The following COL1A1 variants were observed in gnomAD, a reference collection of about 807,000 sequenced individuals.
The protein encoded by COL1A1 is collagen alpha-1(I) chain.
In COL1A1, 21 loss-of-function variants were observed where a neutral mutation model predicts 195.7. That is an observed-to-expected ratio of 0.11 (90% CI 0.08 to 0.15). The LOEUF is 0.15. Among genes scored for constraint, COL1A1 ranks in the 10% least tolerant of loss-of-function variants. The probability of loss-of-function intolerance (pLI) is 1.00; values close to 1 mark genes in which losing one functional copy is unlikely to be tolerated. For synonymous variants in COL1A1, 749 were observed against 747.3 expected, an observed-to-expected ratio of 1.00 and a Z score of -0.04; for missense variants, 1,365 against 2,051.0, an observed-to-expected ratio of 0.67 and a Z score of 6.46.
intron 1 of COL1A1, among the ~76,000 whole-genome samples, chr17:50,200,834 T>A (rs1426601028): frequency 6.6e-6 from 1 of 152,180 alleles, no homozygotes; most frequent in Non-Finnish European, 1.5e-5. Context: ...CTCCGGCTCC[T>A]GCCCCAGTAA....
At position 50,189,702 on chromosome 17, in the gene COL1A1, G is replaced by T. The variant is rs72653147; in HGVS notation, c.2644C>A (p.Arg882=). The T allele has an allele frequency of 2.5e-6, 4 of 1,613,954 alleles. No individual in the cohort carries two copies. Among genetic ancestry groups the T allele is most frequent in the Non-Finnish European group, 3.4e-6 (4 of 1,180,008 alleles). The change falls in exon 38 of 51, where the codon CGA becomes AGA. Residue 882 remains arginine (R), a synonymous_variant. Transcript: ENST00000225964. This position sits in a 1 kb window ranked among gnomAD's most constrained non-coding sequence, Gnocchi z 5.5. ...GATGFPGAAG[R]VGPPGPSGNA... is the part of the protein sequence containing the mutation. The stretch of plus-strand genomic sequence containing the variant: ...ACAGAGGGGCCAGGAGGACCGACTC[G>T]GCCAGCAGCACCAGGGAAACCAGTA...
Position 50,195,874 on chromosome 17 carries a change from A to C in COL1A1, c.1056+49T>G, listed in dbSNP as rs765408219. 5 of 1,548,312 alleles carry C rather than the reference A, an allele frequency of 3.2e-6. No homozygotes were observed. The South Asian group carries it at 4.7e-5, about 15-fold the overall frequency. On this transcript the variant is annotated intron_variant, in intron 16 of 50. Coordinates refer to ENST00000225964, the MANE Select transcript of COL1A1 (RefSeq NM_000088.4). This position sits in a 1 kb window ranked among gnomAD's most constrained non-coding sequence, Gnocchi z 4.3. Reference sequence around the variant, plus strand: ...TGGTTTGGGGAACAGGGAGACATGAACCCCTTGGCCCATGAGGGTCATGCT... The same window carrying C: ...TGGTTTGGGGAACAGGGAGACATGACCCCCTTGGCCCATGAGGGTCATGCT...
intron 3 of COL1A1, 33 bp downstream of exon 3, chr17:50,199,523 G>C (rs1221319643): frequency 3.7e-6 from 6 of 1,614,096 alleles, no homozygotes; most frequent in Non-Finnish European, 5.1e-6. Flanking sequence ...GTCACGGGCC[G>C]CGCAGGGGCA....
At position 50,195,473 on chromosome 17, in the gene COL1A1, G is replaced by T. The variant is rs899337697; in HGVS notation, c.1161C>A (p.Asn387Lys). The T allele has an allele frequency of 2.0e-5, 32 of 1,614,032 alleles. No individual in the cohort carries two copies. Among genetic ancestry groups the T allele is most frequent in the Non-Finnish European group, 2.6e-5 (31 of 1,180,022 alleles). Residue 387 changes from asparagine to lysine, a missense_variant, in exon 18 of 51, where the codon AAC becomes AAA. Asn to Lys is a moderately conservative substitution (Grantham distance 94). This residue lies in a region of COL1A1 where 226 missense variants were observed against 372.9 expected (regional missense o/e 0.61). Coordinates refer to ENST00000225964, the MANE Select transcript of COL1A1 (RefSeq NM_000088.4). This position sits in a 1 kb window ranked among gnomAD's most constrained non-coding sequence, Gnocchi z 4.3. ...CACCAGGCTGTCCATCAGCACCAGG[G>T]TTTCCCTGTGGCACAGAGAAAGGAG... is the stretch of plus-strand genomic sequence containing the variant. ...GPAGAAGPAGNPGADGQPGAK... is the reference protein window; with the variant it reads ...GPAGAAGPAGKPGADGQPGAK...
chr17:50,188,935 A>G lies in COL1A1; in HGVS notation c.3013T>C (p.Leu1005=), dbSNP rs772060459. ...CCAGATTCACCAGGGGGTCCAGCCAATCCAGGGGGGCCCATGGGACCAGGG... is the reference window on the plus strand; with the variant it reads ...CCAGATTCACCAGGGGGTCCAGCCAGTCCAGGGGGGCCCATGGGACCAGGG... ...GPPGPMGPPG[L]AGPPGESGRE... The change falls in exon 41 of 51, where the codon TTG becomes CTG. Residue 1005 remains leucine, a synonymous_variant. Coordinates refer to ENST00000225964, the MANE Select transcript of COL1A1 (RefSeq NM_000088.4). The surrounding 1 kb of genome is among the most constrained non-coding windows in gnomAD (Gnocchi z 5.6). The G allele has an allele frequency of 3.4e-5, 55 of 1,612,132 alleles. No homozygotes were observed. The highest frequency in any genetic ancestry group is 3.1e-4 in the South Asian group (28 of 91,054).
At position 50,195,935 on chromosome 17, in the gene COL1A1, A is replaced by G; in HGVS notation, c.1044T>C (p.Ala348=). 3 of 1,587,920 alleles carry G rather than the reference A, an allele frequency of 1.9e-6. No individual in the cohort carries two copies. The highest frequency in any genetic ancestry group is 2.6e-6 in the Non-Finnish European group (3 of 1,166,674). Residue 348 remains alanine (A), a synonymous_variant, in exon 16 of 51, where the codon GCT becomes GCC. Coordinates refer to ENST00000225964, the MANE Select transcript of COL1A1 (RefSeq NM_000088.4). The surrounding 1 kb of genome is among the most constrained non-coding windows in gnomAD (Gnocchi z 4.3). ...GPAGPPGFPG[A]VGAKGEAGPQ... The stretch of plus-strand genomic sequence containing the variant: ...TGGGGGGTCTCACCTTAGCACCAAC[A>G]GCACCAGGGAAGCCAGGAGGACCAG...
Position 50,190,982 on chromosome 17 carries a change from G to T in COL1A1, c.2236-58C>A. The T allele has an allele frequency of 6.6e-7, 1 of 1,522,590 alleles. No individual in the cohort carries two copies. Among genetic ancestry groups the T allele is most frequent in the Non-Finnish European group, 9.1e-7 (1 of 1,101,346 alleles). 94.3% of individuals were successfully genotyped at this position (1,522,590 alleles called of 1,614,324 possible). On this transcript the variant is annotated intron_variant, in intron 32 of 50. Transcript: ENST00000225964. This position sits in a 1 kb window ranked among gnomAD's most constrained non-coding sequence, Gnocchi z 4.7. ...GTGGGGCAAGGAGGTGACCTATAGT[G>T]TTCTGCTTGTGTCTGGGTTTCCTGA...
In COL1A1 at chr17:50,188,365, G is replaced by T; in HGVS notation, c.3207+165C>A. On this transcript the variant is annotated intron_variant, in intron 43 of 50. Coordinates refer to ENST00000225964, the MANE Select transcript of COL1A1 (RefSeq NM_000088.4). The surrounding 1 kb of genome is among the most constrained non-coding windows in gnomAD (Gnocchi z 5.6). ...GTCCTGTCTGGGAGAGGGGACTTGG[G>T]GCTGAGCTTTAACTCAGTTTTTTGG... 1 of 844,576 alleles carries T rather than the reference G, an allele frequency of 1.2e-6. No individual in the cohort carries two copies. The highest frequency in any genetic ancestry group is 1.9e-6 in the Non-Finnish European group (1 of 534,680). 52.3% of individuals were successfully genotyped at this position (844,576 alleles called of 1,614,324 possible).
intron 5 of COL1A1, 188 bp from the exon 6 acceptor site, chr17:50,198,692 G>A: frequency 1.6e-6 from 1 of 626,320 alleles, no homozygotes; most frequent in Non-Finnish European, 2.9e-6. Context: ...CCAAATTGAG[G>A]GACAGTCTGC....
At position 50,190,874 on chromosome 17, in the gene COL1A1, G is replaced by T; in HGVS notation, c.2286C>A (p.Val762=). ...GACCAATGGGGCCAGTCAGACCACG[G>T]ACGCCATCTTTGCCAGGAGAGCCAT... ...GADGSPGKDG[V]RGLTGPIGPP... The change falls in exon 33 of 51, where the codon GTC becomes GTA. Residue 762 remains valine (V), a synonymous_variant. Coordinates refer to ENST00000225964, the MANE Select transcript of COL1A1 (RefSeq NM_000088.4). The surrounding 1 kb of genome is among the most constrained non-coding windows in gnomAD (Gnocchi z 4.7). The T allele has an allele frequency of 6.2e-7, 1 of 1,613,952 alleles. No individual in the cohort carries two copies. Among genetic ancestry groups the T allele is most frequent in the Non-Finnish European group, 8.5e-7 (1 of 1,179,896 alleles).
chr17:50,201,534 G>A lies in COL1A1; in HGVS notation c.-21C>T, dbSNP rs750816192. 4.4e-6 allele frequency: 7 copies of A among 1,598,872 alleles called. No homozygotes were observed. Among genetic ancestry groups the A allele is most frequent in the Admixed American group, 1.7e-5 (1 of 59,370 alleles). On this transcript the variant is annotated 5_prime_UTR_variant, in exon 1 of 51. Transcript: ENST00000225964. The stretch of plus-strand genomic sequence containing the variant: ...AACATGTCTAGACCCTAGACATGTA[G>A]ACTCTTTGTGGCTGGGGAGGGGGTT...
chr17:50,194,396 G>A lies in COL1A1; in HGVS notation c.1567C>T (p.Pro523Ser), dbSNP rs764315746. Residue 523 changes from proline (P) to serine (S), a missense_variant, in exon 23 of 51, where the codon CCT becomes TCT. By Grantham distance (74) the Pro-to-Ser change is moderately conservative. Coordinates refer to ENST00000225964, the MANE Select transcript of COL1A1 (RefSeq NM_000088.4). The surrounding 1 kb of genome is among the most constrained non-coding windows in gnomAD (Gnocchi z 6.8). ...TCACCGGGACGACCAGCTTCACCAG[G>A]AGATCCTTTGGGGCCAGCAGGGCCA... The part of the protein sequence containing the change: ...SPGPAGPKGS[P>S]GEAGRPGEAG... The A allele has an allele frequency of 1.2e-6, 2 of 1,614,156 alleles. No individual in the cohort carries two copies. The highest frequency in any genetic ancestry group is 3.3e-5 in the Admixed American group (2 of 60,028).
rs113950465 is a variant in COL1A1 at position 50,192,687 on chromosome 17, C to T, written c.1882G>A (p.Ala628Thr). ...GGGCCTTGTTCACCTCTCTCGCCAG[C>T]GGGACCCTGCACAGAGAGAACACTA... is the stretch of plus-strand genomic sequence containing the variant. ...AQGPPGPAGPAGERGEQGPAG... is the reference protein window; with the variant it reads ...AQGPPGPAGPTGERGEQGPAG... Residue 628 changes from alanine to threonine, a missense_variant, in exon 28 of 51, where the codon GCT (alanine) becomes ACT (threonine). Around this residue, in one of 5 missense-constraint regions of COL1A1, gnomAD observed 671 missense variants for 1,099.9 expected, o/e 0.61. Transcript: ENST00000225964. The T allele has an allele frequency of 3.7e-4, 601 of 1,614,222 alleles. 2 individuals carry two copies. Among genetic ancestry groups the T allele is most frequent in the Admixed American group, 8.8e-4 (53 of 60,030 alleles).
chr17:50,189,953 G>C lies in COL1A1; in HGVS notation c.2560-41C>G, dbSNP rs746899676. On this transcript the variant is annotated intron_variant, in intron 36 of 50. Coordinates refer to ENST00000225964, the MANE Select transcript of COL1A1 (RefSeq NM_000088.4). This position sits in a 1 kb window ranked among gnomAD's most constrained non-coding sequence, Gnocchi z 5.5. ...GAGGCATCAAGCCTGGACCCGTCCT[G>C]GGTCCCAGCCCACCAGCCTCGTGGG... 2 of 1,611,370 alleles carry C rather than the reference G, an allele frequency of 1.2e-6. No individual in the cohort carries two copies. Among genetic ancestry groups the C allele is most frequent in the Non-Finnish European group, 1.7e-6 (2 of 1,178,718 alleles).
chr17:50,191,742 C>G, intron 31 of COL1A1, 46 bp downstream of exon 31: 1 of 1,544,016 alleles, frequency 6.5e-7, no homozygotes, highest in East Asian at 2.4e-5. Flanking sequence ...GGGGTGAGAC[C>G]TGGTCCCTGG....
intron 1 of COL1A1, among the ~76,000 whole-genome samples, chr17:50,201,111 C>T (rs1215908417): frequency 6.6e-6 from 1 of 152,170 alleles, no homozygotes. Context: ...CCATCTTCGA[C>T]GTGCTTTCCT....
chr17:50,185,396 C>T lies in COL1A1; in HGVS notation c.*106G>A, dbSNP rs1906398767. On this transcript the variant is annotated 3_prime_UTR_variant, in exon 51 of 51. Coordinates refer to ENST00000225964, the MANE Select transcript of COL1A1 (RefSeq NM_000088.4). The stretch of plus-strand genomic sequence containing the variant: ...TTCCAAAGTCCATGTGAAATTGTCT[C>T]CCATTTTTTGGCTTTTGAGGGGGTT... 3 of 1,238,342 alleles carry T rather than the reference C, an allele frequency of 2.4e-6. No individual in the cohort carries two copies. The East Asian group carries it at 7.1e-5, about 29-fold the overall frequency. The allele number at this position is 1,238,342 out of a possible 1,614,324, so 76.7% of individuals were successfully genotyped here. A position where few individuals can be genotyped will look rare whatever the true frequency, so the allele number is the denominator to read the frequency against.
At chr17:50,196,873 G>A in intron 11 of COL1A1, 137 bp downstream of exon 11, 1 of 1,138,456 alleles carries the variant, frequency 8.8e-7, no homozygotes, top group Non-Finnish European at 1.3e-6. Flanking sequence ...GCTTTTGGAT[G>A]TCCACTCTCT....
In COL1A1 at chr17:50,186,927, A is replaced by C. The variant is rs1439697172; in HGVS notation, c.3532-5T>G. The C allele has an allele frequency of 6.2e-7, 1 of 1,613,606 alleles. No individual in the cohort carries two copies. The highest frequency in any genetic ancestry group is 1.1e-5 in the South Asian group (1 of 91,066). On this transcript the variant is annotated splice_region_variant and splice_polypyrimidine_tract_variant and intron_variant, in intron 47 of 50. Transcript: ENST00000225964. This position sits in a 1 kb window ranked among gnomAD's most constrained non-coding sequence, Gnocchi z 5.3. ...TCCAGGAGGGCCGGGGGGACCCTGC[A>C]CAGAGAGGGAAGAGAGTGGGGATTA...
Sources: allele counts gnomAD v4.1 joint callset (sites outside exome capture counted in the v4.1 genomes callset), GRCh38; gene constraint gnomAD v4.1.1; regional missense constraint gnomAD v4.1.1; non-coding constraint Gnocchi (gnomAD v3.1); transcripts MANE v1.5; gene names NCBI Gene and HGNC (gene_info 2026-07-23, HGNC 2026-07-21).